Variants in NBAS observed in about 807,000 individuals in gnomAD.
The protein encoded by NBAS is NAG/BC035112 fusion.
Under a neutral mutation model 302.5 loss-of-function variants are expected in NBAS, and 219 were observed. That is an observed-to-expected ratio of 0.72 (90% CI 0.65 to 0.81). The LOEUF is 0.81. Among genes scored for constraint, NBAS ranks in the 30% least tolerant of loss-of-function variants. The pLI is 0.00. For synonymous variants in NBAS, 1,118 were observed against 1,021.6 expected (o/e 1.09, Z -1.80); for missense variants, 2,932 against 2,841.6 (o/e 1.03, Z -0.72).
At chr2:14,929,541 C>G in the NBAS span, among the ~76,000 whole-genome samples, 1 of 152,040 alleles carries the variant, frequency 6.6e-6, no homozygotes, top group African/African-American at 2.4e-5. Flanking sequence ...CCACACCCAG[C>G]CAATTTTTGT....
At chr2:15,162,251 T>C (rs945921772), downstream of NBAS, among the ~76,000 whole-genome samples, 1 of 152,204 alleles carries the variant, frequency 6.6e-6, no homozygotes, top group African/African-American at 2.4e-5. Flanking sequence ...CGGCCTAAGA[T>C]TGACCCATGG....
At chr2:14,915,754 G>C in the NBAS span, among the ~76,000 whole-genome samples, 1 of 152,088 alleles carries the variant, frequency 6.6e-6, no homozygotes, top group Admixed American at 6.5e-5. Context: ...TAGAGATGGG[G>C]TTTCACCATA....
chr2:15,470,275 C>T (rs1011779115), intron 16 of NBAS, among the ~76,000 whole-genome samples: 4 of 152,208 alleles, frequency 2.6e-5, no homozygotes, highest in African/African-American at 9.7e-5. Context: ...TCTCTCTACA[C>T]CATCTTCCTC....
chr2:14,859,043 A>C, the NBAS span, among the ~76,000 whole-genome samples: 1 of 152,100 alleles, frequency 6.6e-6, no homozygotes. Context: ...TGCCAACAGC[A>C]AACAATCTGA....
intron 44 of NBAS, among the ~76,000 whole-genome samples, chr2:15,267,500 A>C (rs1456865320): frequency 6.6e-6 from 1 of 152,230 alleles, no homozygotes; most frequent in Non-Finnish European, 1.5e-5. Flanking sequence ...CAACAACAAT[A>C]ACTATAAAAT....
the NBAS span, among the ~76,000 whole-genome samples, chr2:14,968,794 A>G: frequency 7.2e-5 from 11 of 152,226 alleles, no homozygotes; most frequent in African/African-American, 2.2e-4. Flanking sequence ...CAGTTCCTCA[A>G]ATTACTTACA....
chr2:15,457,686 G>A (rs879373144), intron 21 of NBAS, among the ~76,000 whole-genome samples: 2 of 152,180 alleles, frequency 1.3e-5, no homozygotes, highest in Admixed American at 6.5e-5. Flanking sequence ...CCAATGGTGC[G>A]TGGAAAGTGG....
At chr2:15,483,956 G>A (rs972575465) in intron 12 of NBAS, among the ~76,000 whole-genome samples, 2 of 152,166 alleles carry the variant, frequency 1.3e-5, no homozygotes, top group Non-Finnish European at 2.9e-5. Context: ...TACTAGAGCA[G>A]CCATAAAGAG....
chr2:15,390,953 G>GAA (rs1478339029), intron 28 of NBAS, among the ~76,000 whole-genome samples: 1 of 151,612 alleles, frequency 6.6e-6, no homozygotes, highest in Non-Finnish European at 1.5e-5. Context: ...TCTCTACTAA[G>GAA]AATACAAAAA....
chr2:15,285,362 C>G (rs373818699), intron 42 of NBAS, among the ~76,000 whole-genome samples: 2 of 152,108 alleles, frequency 1.3e-5, no homozygotes, highest in African/African-American at 4.8e-5. Context: ...TTCCTGTTTC[C>G]CCTCTTACCT....
At chr2:15,539,457 T>C (rs1450750745) in intron 6 of NBAS, 101 bp from the exon 7 acceptor site, 18 of 1,379,792 alleles carry the variant, frequency 1.3e-5, no homozygotes, top group Non-Finnish European at 1.6e-5. Flanking sequence ...GTACAATAAT[T>C]ACGTCATCTC....
the NBAS span, among the ~76,000 whole-genome samples, chr2:14,924,095 C>T: frequency 6.6e-6 from 1 of 152,142 alleles, no homozygotes; most frequent in Non-Finnish European, 1.5e-5. Context: ...TTCTGATACT[C>T]CCAAGATTCT....
At chr2:14,928,154 T>C in the NBAS span, among the ~76,000 whole-genome samples, 4 of 152,310 alleles carry the variant, frequency 2.6e-5, no homozygotes, top group Non-Finnish European at 4.4e-5. Context: ...TACAAATGAG[T>C]GGGTTTTCTC....
chr2:15,180,218 G>T (rs1435375851), intron 50 of NBAS: 1 of 152,200 alleles, frequency 6.6e-6, no homozygotes, highest in Non-Finnish European at 1.5e-5. Flanking sequence ...GTTCTCTTGG[G>T]AATTCTGCAC....
chr2:15,144,059 ATATATATATC>A, the NBAS span, among the ~76,000 whole-genome samples: 857 of 140,548 alleles, frequency 6.1e-3, 123 homozygotes, highest in African/African-American at 0.023. Context: ...ATATATATAT[ATATATATATC>A]TCCCATTAGT....
At chr2:15,190,813 T>C (rs1049192594) in intron 48 of NBAS, among the ~76,000 whole-genome samples, 4 of 152,246 alleles carry the variant, frequency 2.6e-5, no homozygotes, top group African/African-American at 9.6e-5. Context: ...GAAATCCTAA[T>C]CTTCATGTTG....
At chr2:14,929,374 A>ATGTTT in the NBAS span, among the ~76,000 whole-genome samples, 2 of 151,482 alleles carry the variant, frequency 1.3e-5, no homozygotes, top group African/African-American at 2.4e-5. Flanking sequence ...ACAGTATATT[A>ATGTTT]TGTTTTGTTT....
At chr2:15,154,685 A>C in the NBAS span, among the ~76,000 whole-genome samples, 3 of 152,146 alleles carry the variant, frequency 2.0e-5, no homozygotes, top group African/African-American at 7.2e-5. Context: ...CTTCCACCCC[A>C]AAAGCCACCA....
At chr2:15,506,750 C>A (rs1404770119) in intron 10 of NBAS, among the ~76,000 whole-genome samples, 1 of 151,746 alleles carries the variant, frequency 6.6e-6, no homozygotes, top group Non-Finnish European at 1.5e-5. Flanking sequence ...AAAGTAGACA[C>A]CAATGTACAA....
Sources: gnomAD v4.1 joint callset for allele counts (sites outside exome capture counted in the v4.1 genomes callset) on GRCh38, gnomAD v4.1.1 for gene constraint, MANE v1.5 for transcripts, NCBI Gene and HGNC (gene_info 2026-07-23, HGNC 2026-07-21) for gene names.